The following PHF24 variants were observed in gnomAD, a reference collection of about 807,000 sequenced individuals.
The protein encoded by PHF24 is PHD finger protein 24.
Under a neutral mutation model 42.6 loss-of-function variants are expected in PHF24, and 25 were observed. That is an observed-to-expected ratio of 0.59 (90% CI 0.43 to 0.82). The LOEUF (loss-of-function observed/expected upper bound fraction) is 0.82, where lower values mean the gene tolerates loss of function less well. PHF24 is among the 40% of genes least tolerant of loss of function. The probability of loss-of-function intolerance (pLI) is 0.00; values close to 1 mark genes in which losing one functional copy is unlikely to be tolerated. For synonymous variants in PHF24, 185 were observed against 204.8 expected, an observed-to-expected ratio of 0.90 and a Z score of 0.83; for missense variants, 470 against 538.1, an observed-to-expected ratio of 0.87 and a Z score of 1.25.
At chr9:34,918,362 T>C in the PHF24 span, 3 of 697,208 alleles carry the variant, frequency 4.3e-6, no homozygotes, top group Non-Finnish European at 7.9e-6. Flanking sequence ...CTTCCCCCTC[T>C]CCCAGTTGTC....
the PHF24 span, among the ~76,000 whole-genome samples, chr9:34,849,686 C>A: frequency 6.6e-6 from 1 of 152,202 alleles, no homozygotes; most frequent in African/African-American, 2.4e-5. Context: ...GATGCAGTTT[C>A]TTCCTAGCCT....
chr9:34,974,592 T>A (rs569608658), intron 3 of PHF24, among the ~76,000 whole-genome samples: 15 of 152,092 alleles, frequency 9.9e-5, no homozygotes, highest in African/African-American at 3.6e-4. Flanking sequence ...TCAATGCCCT[T>A]TGTTAGTTTC....
At chr9:34,794,481 T>G in the PHF24 span, among the ~76,000 whole-genome samples, 1 of 151,920 alleles carries the variant, frequency 6.6e-6, no homozygotes, top group East Asian at 1.9e-4. Context: ...AAAAATACAA[T>G]CAACAGATAA....
the PHF24 span, among the ~76,000 whole-genome samples, chr9:34,773,495 A>C: frequency 1.8e-4 from 27 of 152,384 alleles, no homozygotes; most frequent in Non-Finnish European, 3.4e-4. Flanking sequence ...CCAATGACTA[A>C]GCCTGGAATA....
chr9:34,784,594 C>G, the PHF24 span, among the ~76,000 whole-genome samples: 1 of 152,150 alleles, frequency 6.6e-6, no homozygotes, highest in Non-Finnish European at 1.5e-5. Context: ...ATGACCAGGA[C>G]AGTATTATAC....
At chr9:34,829,754 C>T in the PHF24 span, among the ~76,000 whole-genome samples, 1 of 152,124 alleles carries the variant, frequency 6.6e-6, no homozygotes. Flanking sequence ...GGATGAGAAA[C>T]TGAACTACAA....
At chr9:34,672,730 T>A in the PHF24 span, among the ~76,000 whole-genome samples, 4 of 152,334 alleles carry the variant, frequency 2.6e-5, no homozygotes, top group Non-Finnish European at 5.9e-5. Flanking sequence ...AGAGCCCTCA[T>A]GACCCAATCA....
chr9:34,915,101 C>T, the PHF24 span, among the ~76,000 whole-genome samples: 1 of 130,894 alleles, frequency 7.6e-6, no homozygotes, highest in Non-Finnish European at 1.6e-5. Flanking sequence ...GGCACGATCA[C>T]AGCTCACTGC....
chr9:34,749,486 A>G, the PHF24 span, among the ~76,000 whole-genome samples: 1 of 152,066 alleles, frequency 6.6e-6, no homozygotes. Context: ...TAATCTGAGC[A>G]CCTTGAAAGG....
chr9:34,676,997 G>C, the PHF24 span, among the ~76,000 whole-genome samples: 2 of 152,202 alleles, frequency 1.3e-5, no homozygotes, highest in Non-Finnish European at 2.9e-5. Context: ...GCTTCAACAT[G>C]ACATTTGGGC....
At chr9:34,665,857 G>A in the PHF24 span, 1 of 599,338 alleles carries the variant, frequency 1.7e-6, no homozygotes. Flanking sequence ...GAAGTTAAGG[G>A]GTGAGGAGGC....
At chr9:34,691,051 C>A in the PHF24 span, 1 of 1,549,824 alleles carries the variant, frequency 6.5e-7, no homozygotes, top group Non-Finnish European at 8.8e-7. Flanking sequence ...CACTGCCAGC[C>A]CCCCACTGCC....
chr9:34,849,171 T>C, the PHF24 span, among the ~76,000 whole-genome samples: 38 of 151,408 alleles, frequency 2.5e-4, no homozygotes, highest in East Asian at 9.7e-4. Flanking sequence ...ACTTTCTGTC[T>C]CGTTGATCTG....
At chr9:34,714,026 G>T in the PHF24 span, among the ~76,000 whole-genome samples, 1 of 152,076 alleles carries the variant, frequency 6.6e-6, no homozygotes, top group Non-Finnish European at 1.5e-5. Flanking sequence ...GTTGGGAGGG[G>T]GATAAAGAGG....
chr9:34,929,991 A>G, the PHF24 span, among the ~76,000 whole-genome samples: 1 of 152,242 alleles, frequency 6.6e-6, no homozygotes, highest in Non-Finnish European at 1.5e-5. Context: ...TAATTTGTCT[A>G]TAACATTACA....
the PHF24 span, among the ~76,000 whole-genome samples, chr9:34,936,628 G>A: frequency 1.1e-4 from 16 of 151,388 alleles, no homozygotes; most frequent in African/African-American, 2.4e-4. Context: ...AGTGAGGAGC[G>A]CCTCTTCCCG....
the PHF24 span, among the ~76,000 whole-genome samples, chr9:34,911,142 A>G: frequency 6.6e-6 from 1 of 152,060 alleles, no homozygotes; most frequent in South Asian, 2.1e-4. Flanking sequence ...CTAATTACTA[A>G]CTATTCTTGG....
chr9:34,747,684 C>T, the PHF24 span, among the ~76,000 whole-genome samples: 2 of 152,098 alleles, frequency 1.3e-5, no homozygotes, highest in Admixed American at 6.5e-5. Context: ...CTGAAACTCC[C>T]AAACACAGCT....
chr9:34,833,059 G>C, the PHF24 span: 1 of 1,547,500 alleles, frequency 6.5e-7, no homozygotes, highest in Non-Finnish European at 8.7e-7. Flanking sequence ...CTGGCCTCTG[G>C]TCTTCAGCAG....
Sources: allele counts gnomAD v4.1 joint callset (sites outside exome capture counted in the v4.1 genomes callset), GRCh38; gene constraint gnomAD v4.1.1; transcripts MANE v1.5; gene names NCBI Gene and HGNC (gene_info 2026-07-23, HGNC 2026-07-21).